MSRA: variants seen among roughly 807,000 people sequenced by gnomAD.
MSRA encodes mitochondrial peptide methionine sulfoxide reductase.
A neutral mutation model predicts 31.3 loss-of-function variants in MSRA; 54 were observed. The ratio of observed to expected loss-of-function variants is 1.73; its 90% CI spans 1.39 to 2.17. The LOEUF (loss-of-function observed/expected upper bound fraction) is 2.17. Ranked by LOEUF, MSRA falls within the 30% of genes most tolerant of loss-of-function variation. MSRA has a pLI of 0.00. For synonymous variants in MSRA, 169 were observed against 116.5 expected (o/e 1.45, Z -2.90); for missense variants, 507 against 300.9 (o/e 1.69, Z -5.07).
chr8:10,101,560 C>T lies in MSRA; in HGVS notation c.142+46902C>T, dbSNP rs117603139. 6.0e-4 allele frequency among the ~76,000 whole-genome samples: 92 copies of T among 152,256 alleles called. No homozygotes were observed. In the East Asian group the frequency reaches 0.015, roughly 25 times the overall value. ...CCTTCCCCAAACCCCGCAACAGAAT[C>T]GTGGCAACCTTGATTCTGTTTTCTG... On this transcript the variant is annotated intron_variant, in intron 1 of 5. Transcript: ENST00000317173.
At chr8:10,083,855 C>G (rs11996848) in intron 1 of MSRA, among the ~76,000 whole-genome samples, 1,663 of 152,210 alleles carry the variant, frequency 0.011, 24 homozygotes, top group African/African-American at 0.035. Context: ...AAATGTATTG[C>G]TTAATTTTAA....
intron 1 of MSRA, among the ~76,000 whole-genome samples, chr8:10,124,181 T>C (rs757338429): frequency 2.6e-5 from 4 of 152,070 alleles, no homozygotes; most frequent in African/African-American, 4.8e-5. Flanking sequence ...TTTGGGGACA[T>C]TGAGACCACC....
intron 5 of MSRA, among the ~76,000 whole-genome samples, chr8:10,357,067 G>A (rs941577919): frequency 1.3e-5 from 2 of 152,072 alleles, no homozygotes. Flanking sequence ...TGCATCCAGA[G>A]GTGTGGACCA....
chr8:10,070,747 C>G (rs922560137), intron 1 of MSRA, among the ~76,000 whole-genome samples: 1 of 152,238 alleles, frequency 6.6e-6, no homozygotes, highest in African/African-American at 2.4e-5. Context: ...TAAACGATGT[C>G]ATATAGTATG....
intron 1 of MSRA, among the ~76,000 whole-genome samples, chr8:10,095,394 G>T (rs900208927): frequency 1.3e-5 from 2 of 152,214 alleles, no homozygotes; most frequent in East Asian, 3.8e-4. Flanking sequence ...AGTCGATGCT[G>T]TTGGTGCCAG....
At chr8:10,337,600 T>A (rs1803135956) in intron 5 of MSRA, 3 of 656,050 alleles carry the variant, frequency 4.6e-6, no homozygotes, top group Non-Finnish European at 8.3e-6. Context: ...TCTCTGGAAG[T>A]TGGTTAATTT....
At chr8:10,087,352 C>G (rs1798613519) in intron 1 of MSRA, among the ~76,000 whole-genome samples, 1 of 152,142 alleles carries the variant, frequency 6.6e-6, no homozygotes, top group African/African-American at 2.4e-5. Context: ...GATTTGTTTG[C>G]ATGTCTCTCT....
chr8:10,102,263 A>G (rs1799580542), intron 1 of MSRA, among the ~76,000 whole-genome samples: 1 of 152,142 alleles, frequency 6.6e-6, no homozygotes, highest in African/African-American at 2.4e-5. Context: ...CAAGACTTGG[A>G]GGATGTGAAT....
intron 1 of MSRA, among the ~76,000 whole-genome samples, chr8:10,177,016 C>T (rs1806109987): frequency 6.6e-6 from 1 of 152,308 alleles, no homozygotes; most frequent in Admixed American, 6.5e-5. Context: ...TGATGGAGCT[C>T]CTGTTTCTCA....
chr8:10,292,714 G>A (rs1325198445), intron 3 of MSRA, among the ~76,000 whole-genome samples: 1 of 152,220 alleles, frequency 6.6e-6, no homozygotes. Context: ...AGACTCGAGG[G>A]GACCCTGAAA....
chr8:10,247,595 T>C (rs1216491763), intron 3 of MSRA, among the ~76,000 whole-genome samples: 1 of 152,128 alleles, frequency 6.6e-6, no homozygotes. Context: ...CTCTAGCAAG[T>C]GGTAAAGTAT....
rs576877748 is a variant in MSRA at position 10,092,332 on chromosome 8, TG to T, written c.142+37675del. Among the ~76,000 whole-genome samples, 726 of 152,302 alleles carry T rather than the reference TG, an allele frequency of 4.8e-3. 7 individuals are homozygous for T. Among genetic ancestry groups the T allele is most frequent in the African/African-American group, 0.017 (686 of 41,560 alleles). On this transcript the variant is annotated intron_variant, in intron 1 of 5. Coordinates refer to ENST00000317173, the MANE Select transcript of MSRA (RefSeq NM_012331.5). ...AGGTTCATTTTATAGCCTAACATAT[TG>T]CCTGCTGGAGGATGTTCCATATATC...
At chr8:10,147,410 G>C (rs566587783) in intron 1 of MSRA, among the ~76,000 whole-genome samples, 1 of 152,152 alleles carries the variant, frequency 6.6e-6, no homozygotes, top group Non-Finnish European at 1.5e-5. Context: ...CACCACGTAG[G>C]CCTCACCACC....
chr8:10,112,272 T>G (rs1035479567), intron 1 of MSRA, among the ~76,000 whole-genome samples: 1 of 152,332 alleles, frequency 6.6e-6, no homozygotes. Flanking sequence ...GAAAAGAGAC[T>G]GACCATCTTG....
At chr8:10,177,529 G>A (rs1385213237) in intron 1 of MSRA, among the ~76,000 whole-genome samples, 1 of 152,102 alleles carries the variant, frequency 6.6e-6, no homozygotes, top group Non-Finnish European at 1.5e-5. Context: ...GGAAAGGATT[G>A]TGTTTTAGTA....
intron 5 of MSRA, among the ~76,000 whole-genome samples, chr8:10,368,764 C>A (rs938579711): frequency 6.6e-6 from 1 of 152,242 alleles, no homozygotes; most frequent in Non-Finnish European, 1.5e-5. Context: ...GTGAATGTCA[C>A]TTCTTCCATT....
At chr8:10,110,784 G>T (rs1800221642) in intron 1 of MSRA, among the ~76,000 whole-genome samples, 1 of 152,186 alleles carries the variant, frequency 6.6e-6, no homozygotes. Context: ...ACTTTCATCT[G>T]TGGCTTCTCC....
chr8:10,257,270 C>T (rs1374724993), intron 3 of MSRA, among the ~76,000 whole-genome samples: 1 of 152,080 alleles, frequency 6.6e-6, no homozygotes, highest in Non-Finnish European at 1.5e-5. Context: ...CTCTCCGTCT[C>T]CACAAAAAAC....
intron 5 of MSRA, among the ~76,000 whole-genome samples, chr8:10,414,879 C>G (rs533333730): frequency 6.6e-6 from 1 of 152,192 alleles, no homozygotes; most frequent in Non-Finnish European, 1.5e-5. Flanking sequence ...ATTATAACCC[C>G]TCAGAGATCT....
Sources: gnomAD v4.1 joint callset for allele counts (sites outside exome capture counted in the v4.1 genomes callset) on GRCh38, gnomAD v4.1.1 for gene constraint, MANE v1.5 for transcripts, NCBI Gene and HGNC (gene_info 2026-07-23, HGNC 2026-07-21) for gene names.